ASXL1: variants seen among roughly 807,000 people sequenced by gnomAD.
ASXL1 encodes polycomb group protein ASXL1.
A neutral mutation model predicts 89.1 loss-of-function variants in ASXL1; 65 were observed. The ratio of observed to expected loss-of-function variants is 0.73; its 90% CI spans 0.60 to 0.90. The LOEUF (loss-of-function observed/expected upper bound fraction) is 0.90, where lower values mean the gene tolerates loss of function less well. Among genes scored for constraint, ASXL1 ranks in the 40% least tolerant of loss-of-function variants. The pLI is 0.00. For missense variants in ASXL1, 1,786 were observed against 1,942.9 expected (o/e 0.92, Z 1.52); for synonymous variants, 739 against 746.9 (o/e 0.99, Z 0.17).
At chr20:32,418,224 T>A (rs1181130004) in intron 4 of ASXL1, among the ~76,000 whole-genome samples, 2 of 151,510 alleles carry the variant, frequency 1.3e-5, no homozygotes, top group African/African-American at 4.8e-5. Flanking sequence ...ATAAATAAAT[T>A]AGCCTGGAGT....
Position 32,378,158 on chromosome 20 carries a change from TTGTGTG to T in ASXL1, c.252+9067_252+9072del, listed in dbSNP as rs142792019. ...GTGCGTGCCACTGTGGCTGAGTAAT[TTGTGTG>T]TGTGTGTGTGTGTGTGTGTGTGTGT... On this transcript the variant is annotated intron_variant, in intron 4 of 12. Coordinates refer to ENST00000375687, the MANE Select transcript of ASXL1 (RefSeq NM_015338.6). Among the ~76,000 whole-genome samples the T allele has an allele frequency of 2.8e-3, 368 of 130,190 alleles. 4 individuals are homozygous for T. The East Asian group carries it at 0.038, about 13-fold the overall frequency. The allele number at this position is 130,190 out of a possible 152,430, so 85.4% of individuals were successfully genotyped here.
In ASXL1 at chr20:32,433,312, C is replaced by A. The variant is rs199846284; in HGVS notation, c.1114C>A (p.Gln372Lys). ...KLGLTKEESL[Q>K]QNVGQEEAEI... ...GGGTTTGACCAAAGAAGAGTCATTG[C>A]AGCAGAACGTGGGCCAGGAGGAGGC... The change falls in exon 12 of 13, where the codon CAG becomes AAG. Residue 372 changes from glutamine to lysine, a missense_variant. Physicochemically the swap from Gln to Lys is moderately conservative, Grantham distance 53. Transcript: ENST00000375687. 6.2e-6 allele frequency: 10 copies of A among 1,614,122 alleles called. No homozygotes were observed. Among genetic ancestry groups the A allele is most frequent in the African/African-American group, 1.3e-5 (1 of 75,028 alleles).
chr20:32,368,956 G>A, intron 3 of ASXL1, 59 bp from the exon 4 acceptor site: 1 of 1,421,516 alleles, frequency 7.0e-7, no homozygotes, highest in East Asian at 2.3e-5. Context: ...GGAGGGATTA[G>A]GTCTTTAAGT....
intron 12 of ASXL1, 22 bp from the exon 13 acceptor site, chr20:32,434,410 T>A (rs779654042): frequency 6.2e-7 from 1 of 1,613,380 alleles, no homozygotes; most frequent in African/African-American, 1.3e-5. Context: ...GTTAAAACTA[T>A]TTTCTAATTC....
intron 4 of ASXL1, among the ~76,000 whole-genome samples, chr20:32,386,618 A>G (rs1047870312): frequency 2.0e-5 from 3 of 151,952 alleles, no homozygotes; most frequent in South Asian, 4.2e-4. Flanking sequence ...GGGTTTCGCC[A>G]TGTTGACCAG....
In ASXL1 at chr20:32,358,496, G is replaced by C; in HGVS notation, c.-280G>C. On this transcript the variant is annotated 5_prime_UTR_variant, in exon 1 of 13. Coordinates refer to ENST00000375687, the MANE Select transcript of ASXL1 (RefSeq NM_015338.6). ...TCTGACCCCGTGGTTATGCGGAGCC[G>C]CCGCATTCCTTAGCGATCGCGGGGC... The C allele has an allele frequency of 4.3e-6, 1 of 229,956 alleles. No individual in the cohort carries two copies. The highest frequency in any genetic ancestry group is 1.7e-4 in the South Asian group (1 of 5,868). 14.2% of individuals were successfully genotyped at this position (229,956 alleles called of 1,614,324 possible). A position where few individuals can be genotyped will look rare whatever the true frequency, so the allele number is the denominator to read the frequency against.
intron 4 of ASXL1, among the ~76,000 whole-genome samples, chr20:32,384,573 C>T (rs1201766659): frequency 6.6e-6 from 1 of 152,202 alleles, no homozygotes; most frequent in Non-Finnish European, 1.5e-5. Context: ...CAAAGGACAT[C>T]TCGATCTGTC....
intron 4 of ASXL1, chr20:32,372,092 T>C: frequency 7.5e-7 from 1 of 1,339,478 alleles, no homozygotes; most frequent in South Asian, 1.2e-5. Context: ...AATTTGGCTC[T>C]GGGCAGAATT....
rs2012081574 is a variant in ASXL1, at chr20:32,439,158, AG to A, written c.*1824del. 1.3e-5 allele frequency: 3 copies of A among 233,476 alleles called. No homozygotes were observed. Among genetic ancestry groups the A allele is most frequent in the African/African-American group, 6.6e-5 (3 of 45,352 alleles). 14.5% of individuals were successfully genotyped at this position (233,476 alleles called of 1,614,324 possible). A position where few individuals can be genotyped will look rare whatever the true frequency, so the allele number is the denominator to read the frequency against. On this transcript the variant is annotated 3_prime_UTR_variant, in exon 13 of 13. Coordinates refer to ENST00000375687, the MANE Select transcript of ASXL1 (RefSeq NM_015338.6). ...CGTCTGTTTACCAAAGACCGGGAAC[AG>A]GGGCCCAAACATGTCCAGTCCTCTT...
At chr20:32,422,211 G>A (rs2123171339) in intron 4 of ASXL1, among the ~76,000 whole-genome samples, 1 of 151,258 alleles carries the variant, frequency 6.6e-6, no homozygotes, top group African/African-American at 2.4e-5. Flanking sequence ...GGTTGATTAG[G>A]AAGGGGCACA....
Position 32,436,983 on chromosome 20 carries a change from C to T in ASXL1, c.4271C>T (p.Pro1424Leu), listed in dbSNP as rs563685779. The stretch of plus-strand genomic sequence containing the variant: ...GAGCCAGGGAAGGGGCTCAGTGAGC[C>T]TCTGGAGCCTTCTTCTCTCCCCTCC... ...PREPGKGLSE[P>L]LEPSSLPSQL... The change falls in exon 13 of 13, where the codon CCT becomes CTT. Residue 1424 changes from proline (P) to leucine (L), a missense_variant. Pro to Leu is a moderately conservative substitution (Grantham distance 98). Transcript: ENST00000375687. 4 of 1,614,116 alleles carry T rather than the reference C, an allele frequency of 2.5e-6. No individual in the cohort carries two copies. The highest frequency in any genetic ancestry group is 1.3e-5 in the African/African-American group (1 of 75,042).
intron 4 of ASXL1, among the ~76,000 whole-genome samples, chr20:32,397,403 T>TC (rs2048787961): frequency 7.2e-6 from 1 of 139,678 alleles, no homozygotes; most frequent in Admixed American, 7.2e-5. Flanking sequence ...CCTGGCCTTT[T>TC]TTTTTTTTTT....
At chr20:32,388,739 C>G (rs573977453) in intron 4 of ASXL1, among the ~76,000 whole-genome samples, 2 of 152,170 alleles carry the variant, frequency 1.3e-5, no homozygotes, top group Admixed American at 6.5e-5. Context: ...ACAAGCTGTG[C>G]TGTTTTTCCT....
intron 4 of ASXL1, among the ~76,000 whole-genome samples, chr20:32,382,035 A>G (rs1257405532): frequency 2.7e-5 from 4 of 146,636 alleles, no homozygotes; most frequent in Non-Finnish European, 3.0e-5. Flanking sequence ...AGCTAACGGC[A>G]ACCTCCACTT....
rs1204237237 is a variant in ASXL1, at chr20:32,429,478, G to T, written c.565+47G>T. 1 of 1,581,790 alleles carries T rather than the reference G, an allele frequency of 6.3e-7. No homozygotes were observed. The highest frequency in any genetic ancestry group is 1.1e-5 in the South Asian group (1 of 90,362). On this transcript the variant is annotated intron_variant, in intron 7 of 12. Transcript: ENST00000375687. The surrounding 1 kb of genome is among the most constrained non-coding windows in gnomAD (Gnocchi z 4.9). ...TGATGCTTTTTCCTCAGGTCCTGGG[G>T]ACCTGGCCTCCCTCTGTCAGCAGTT... is the stretch of plus-strand genomic sequence containing the variant.
At chr20:32,420,274 G>A (rs898705476) in intron 4 of ASXL1, among the ~76,000 whole-genome samples, 4 of 151,876 alleles carry the variant, frequency 2.6e-5, no homozygotes, top group Non-Finnish European at 4.4e-5. Context: ...CTAAGAGATA[G>A]TACTTATTTT....
intron 4 of ASXL1, among the ~76,000 whole-genome samples, chr20:32,382,265 G>A (rs1399755777): frequency 6.6e-6 from 1 of 151,916 alleles, no homozygotes; most frequent in African/African-American, 2.4e-5. Flanking sequence ...GTGAGCCAGC[G>A]CACCCGGCCT....
At chr20:32,386,713 C>T (rs1395502303) in intron 4 of ASXL1, among the ~76,000 whole-genome samples, 1 of 151,662 alleles carries the variant, frequency 6.6e-6, no homozygotes, top group Admixed American at 6.6e-5. Context: ...CCACCGTGCC[C>T]GGCCCATTGT....
chr20:32,428,661 T>A, intron 6 of ASXL1: 2 of 421,014 alleles, frequency 4.8e-6, no homozygotes, highest in Non-Finnish European at 8.5e-6. Context: ...TCTTTTTTTT[T>A]TTTTTTTTTT....
Sources: allele counts gnomAD v4.1 joint callset (sites outside exome capture counted in the v4.1 genomes callset), GRCh38; gene constraint gnomAD v4.1.1; non-coding constraint Gnocchi (gnomAD v3.1); transcripts MANE v1.5; gene names NCBI Gene and HGNC (gene_info 2026-07-23, HGNC 2026-07-21).